The following CRIM1 variants were observed in gnomAD, a reference collection of about 807,000 sequenced individuals.
CRIM1 encodes cysteine rich transmembrane BMP regulator 1.
CRIM1 carries 32 observed loss-of-function variants against 116.4 expected under a neutral mutation model. The ratio of observed to expected loss-of-function variants is 0.27; its 90% confidence interval spans 0.21 to 0.37. The LOEUF is 0.37. CRIM1 is among the 10% of genes least tolerant of loss of function. The pLI, the probability that CRIM1 is intolerant of heterozygous loss-of-function variation, is 1.00. For missense variants in CRIM1, 1,331 were observed against 1,354.8 expected (o/e 0.98, Z 0.28); for synonymous variants, 590 against 509.2 (o/e 1.16, Z -2.13).
chr2:36,407,639 C>G (rs1477101064), intron 2 of CRIM1, among the ~76,000 whole-genome samples: 1 of 151,160 alleles, frequency 6.6e-6, no homozygotes, highest in Middle Eastern at 3.2e-3. Context: ...AATAATTATA[C>G]CTGCATTTTA....
chr2:36,402,478 G>A (rs1672490810), intron 2 of CRIM1, among the ~76,000 whole-genome samples: 1 of 152,024 alleles, frequency 6.6e-6, no homozygotes, highest in African/African-American at 2.4e-5. Context: ...GACCACCTGA[G>A]CCCTTGTAGA....
At chr2:36,470,654 A>G (rs1678427142) in intron 5 of CRIM1, among the ~76,000 whole-genome samples, 1 of 152,204 alleles carries the variant, frequency 6.6e-6, no homozygotes, top group South Asian at 2.1e-4. Flanking sequence ...ATTACTGCTC[A>G]TTGACAATGC....
intron 13 of CRIM1, among the ~76,000 whole-genome samples, chr2:36,533,623 C>T (rs2125156284): frequency 6.6e-6 from 1 of 152,172 alleles, no homozygotes; most frequent in East Asian, 1.9e-4. Flanking sequence ...TATTGGTTTT[C>T]CCATTGCCTC....
intron 13 of CRIM1, among the ~76,000 whole-genome samples, chr2:36,524,695 G>A (rs943420652): frequency 9.2e-5 from 14 of 152,116 alleles, no homozygotes; most frequent in Middle Eastern, 3.4e-3. Flanking sequence ...TAAATTATTC[G>A]ACTAGTAAAT....
At chr2:36,527,203 G>T (rs1373592906) in intron 13 of CRIM1, among the ~76,000 whole-genome samples, 2 of 151,334 alleles carry the variant, frequency 1.3e-5, no homozygotes, top group South Asian at 4.2e-4. Flanking sequence ...GTATATATGT[G>T]GCTCATAACT....
Position 36,548,747 on chromosome 2 carries a change from A to G in CRIM1, c.*46A>G. 1 of 1,480,010 alleles carries G rather than the reference A, an allele frequency of 6.8e-7. No individual in the cohort carries two copies. The highest frequency in any genetic ancestry group is 1.4e-5 in the African/African-American group (1 of 70,744). The allele number at this position is 1,480,010 out of a possible 1,614,324, so 91.7% of individuals were successfully genotyped here. ...GTTTCAAAAGACGGAAGACGACTAA[A>G]TCTGCTCTAAAAAGTAAACTAGAAT... On this transcript the variant is annotated 3_prime_UTR_variant, in exon 17 of 17. Transcript: ENST00000280527.
At chr2:36,446,647 A>T (rs951247928) in intron 4 of CRIM1, among the ~76,000 whole-genome samples, 1 of 152,174 alleles carries the variant, frequency 6.6e-6, no homozygotes, top group Non-Finnish European at 1.5e-5. Flanking sequence ...TCCTTCCCTC[A>T]ACTTGGCATA....
At chr2:36,498,080 C>T (rs1036242672) in intron 7 of CRIM1, among the ~76,000 whole-genome samples, 2 of 152,196 alleles carry the variant, frequency 1.3e-5, no homozygotes, top group African/African-American at 2.4e-5. Flanking sequence ...ATACTCAGCT[C>T]TTTCACAAAG....
At position 36,548,933 on chromosome 2, in the gene CRIM1, T is replaced by G. The variant is rs1455541695; in HGVS notation, c.*232T>G. 3.1e-5 allele frequency: 10 copies of G among 324,374 alleles called. No individual in the cohort carries two copies. The highest frequency in any genetic ancestry group is 4.5e-5 in the Non-Finnish European group (8 of 178,564). The allele number at this position is 324,374 out of a possible 1,614,324, so 20.1% of individuals were successfully genotyped here. On this transcript the variant is annotated 3_prime_UTR_variant, in exon 17 of 17. Coordinates refer to ENST00000280527, the MANE Select transcript of CRIM1 (RefSeq NM_016441.3). ...TTTCTTAGAACCAAAGTTTTTAAAG[T>G]TGCTAAGATATATTTGCCTGTAAGA...
chr2:36,425,135 T>A (rs73924825), intron 2 of CRIM1, among the ~76,000 whole-genome samples: 1 of 152,090 alleles, frequency 6.6e-6, no homozygotes, highest in African/African-American at 2.4e-5. Flanking sequence ...CAGTAGTGAG[T>A]TTGTGGAGGT....
chr2:36,529,590 A>C (rs1665980008), intron 13 of CRIM1: 1 of 166,546 alleles, frequency 6.0e-6, no homozygotes, highest in East Asian at 1.6e-4. Flanking sequence ...TTTAAAGTTG[A>C]AAATAAAATG....
chr2:36,420,434 A>G (rs1673963895), intron 2 of CRIM1, among the ~76,000 whole-genome samples: 1 of 152,200 alleles, frequency 6.6e-6, no homozygotes, highest in South Asian at 2.1e-4. Flanking sequence ...TGGATCTCCT[A>G]TTCATAACCA....
chr2:36,433,625 C>G (rs1228324100), intron 2 of CRIM1, among the ~76,000 whole-genome samples: 1 of 152,120 alleles, frequency 6.6e-6, no homozygotes, highest in African/African-American at 2.4e-5. Flanking sequence ...TGCCCAGGCT[C>G]CTCCCCCAGA....
chr2:36,493,050 T>C (rs997938658), intron 7 of CRIM1, among the ~76,000 whole-genome samples: 3 of 152,128 alleles, frequency 2.0e-5, no homozygotes, highest in Non-Finnish European at 4.4e-5. Flanking sequence ...GAGAGACAGA[T>C]AGGAATTGTT....
chr2:36,398,289 T>A (rs1356026013), intron 2 of CRIM1, among the ~76,000 whole-genome samples: 1 of 152,162 alleles, frequency 6.6e-6, no homozygotes, highest in Non-Finnish European at 1.5e-5. Flanking sequence ...CCCTTCCAGG[T>A]CATTTAATCC....
intron 1 of CRIM1, among the ~76,000 whole-genome samples, chr2:36,376,318 T>C (rs941868283): frequency 1.3e-5 from 2 of 152,270 alleles, no homozygotes; most frequent in African/African-American, 4.8e-5. Flanking sequence ...AATGGATTTG[T>C]ATCTTCCTTG....
intron 4 of CRIM1, among the ~76,000 whole-genome samples, chr2:36,461,857 T>C (rs2125000680): frequency 6.6e-6 from 1 of 152,268 alleles, no homozygotes; most frequent in East Asian, 1.9e-4. Flanking sequence ...TTCAGTAAGG[T>C]TTTAACCTAA....
intron 2 of CRIM1, among the ~76,000 whole-genome samples, chr2:36,407,703 CAAA>C (rs10719018): frequency 1.6e-4 from 16 of 99,676 alleles, no homozygotes; most frequent in Non-Finnish European, 2.5e-4. Context: ...TTGTGCCCGT[CAAA>C]AAAAAAAAAA....
intron 1 of CRIM1, among the ~76,000 whole-genome samples, chr2:36,394,201 A>T (rs1671837263): frequency 6.6e-6 from 1 of 152,228 alleles, no homozygotes; most frequent in Admixed American, 6.5e-5. Flanking sequence ...TAAAACTGTG[A>T]AGGAAAGGAG....
Sources: allele counts gnomAD v4.1 joint callset (sites outside exome capture counted in the v4.1 genomes callset), GRCh38; gene constraint gnomAD v4.1.1; transcripts MANE v1.5; gene names NCBI Gene and HGNC (gene_info 2026-07-23, HGNC 2026-07-21).